Variants in EIF2B3 observed in about 807,000 individuals in gnomAD.
The protein encoded by EIF2B3 is translation initiation factor eIF2B subunit gamma.
In EIF2B3, 20 loss-of-function variants were observed where a neutral mutation model predicts 54.1. That is an observed-to-expected ratio of 0.37 (90% CI 0.26 to 0.54). The LOEUF is 0.54. EIF2B3 is among the 20% of genes least tolerant of loss of function. The pLI is 0.86. For missense variants in EIF2B3, 448 were observed against 547.8 expected, an observed-to-expected ratio of 0.82 and a Z score of 1.82; for synonymous variants, 153 against 188.1, an observed-to-expected ratio of 0.81 and a Z score of 1.52.
chr1:44,851,068 G>A, intron 11 of EIF2B3, 65 bp from the exon 12 acceptor site: 2 of 1,528,326 alleles, frequency 1.3e-6, no homozygotes, highest in South Asian at 1.2e-5. Flanking sequence ...AAACCCAACT[G>A]CTTTTTTTTT....
chr1:44,952,185 G>A (rs1459929537), intron 3 of EIF2B3, among the ~76,000 whole-genome samples: 8 of 138,788 alleles, frequency 5.8e-5, no homozygotes, highest in Non-Finnish European at 9.4e-5. Flanking sequence ...GGATGGTCTC[G>A]ATCTCCTGAC....
chr1:44,948,192 A>G (rs1405705690), intron 3 of EIF2B3, among the ~76,000 whole-genome samples: 1 of 152,234 alleles, frequency 6.6e-6, no homozygotes, highest in African/African-American at 2.4e-5. Context: ...CTCAGTCAGT[A>G]AGTAAGAAAT....
chr1:44,910,916 G>T (rs1643501430), intron 5 of EIF2B3, among the ~76,000 whole-genome samples: 1 of 151,892 alleles, frequency 6.6e-6, no homozygotes, highest in Non-Finnish European at 1.5e-5. Flanking sequence ...AAGTTCTTCA[G>T]TGGTAATCTG....
chr1:44,877,210 A>AAAC (rs1569591326), intron 8 of EIF2B3, among the ~76,000 whole-genome samples: 2 of 148,776 alleles, frequency 1.3e-5, no homozygotes, highest in East Asian at 3.9e-4. Context: ...AAAAAAAAAA[A>AAAC]AAAAAAAAAA....
intron 10 of EIF2B3, among the ~76,000 whole-genome samples, chr1:44,869,934 T>C (rs941548924): frequency 3.9e-5 from 6 of 151,966 alleles, no homozygotes; most frequent in Admixed American, 1.3e-4. Context: ...CACCACAATA[T>C]GGTGGTGTAG....
Position 44,897,230 on chromosome 1 carries a change from A to T in EIF2B3, c.656+125T>A, listed in dbSNP as rs373644803. ...TTTCATTTCTAAAACAAAAATGAGA[A>T]CTAACTGTGCTATTGTGCTAATTTT... is the stretch of plus-strand genomic sequence containing the variant. On this transcript the variant is annotated intron_variant, in intron 6 of 11. Coordinates refer to ENST00000360403, the MANE Select transcript of EIF2B3 (RefSeq NM_020365.5). 19 of 711,252 alleles carry T rather than the reference A, an allele frequency of 2.7e-5. No homozygotes were observed. In the African/African-American group the frequency reaches 2.7e-4, roughly 10 times the overall value. The allele number at this position is 711,252 out of a possible 1,614,324, so 44.1% of individuals were successfully genotyped here. A position where few individuals can be genotyped will look rare whatever the true frequency, so the allele number is the denominator to read the frequency against.
chr1:44,851,295 C>T (rs192017341), intron 11 of EIF2B3, among the ~76,000 whole-genome samples: 209 of 152,194 alleles, frequency 1.4e-3, no homozygotes, highest in Non-Finnish European at 2.5e-3. Context: ...GAACTCCTAA[C>T]CTCAGGTGAT....
intron 3 of EIF2B3, among the ~76,000 whole-genome samples, chr1:44,953,064 T>C (rs1198044043): frequency 6.6e-6 from 1 of 151,968 alleles, no homozygotes; most frequent in Non-Finnish European, 1.5e-5. Context: ...CATCAATTTA[T>C]TCCTCTCCTC....
intron 3 of EIF2B3, among the ~76,000 whole-genome samples, chr1:44,968,982 C>T (rs1423363076): frequency 6.6e-6 from 1 of 151,680 alleles, no homozygotes; most frequent in Non-Finnish European, 1.5e-5. Context: ...GGCTTTGAAA[C>T]ATAACGGTGG....
chr1:44,978,207 G>C, intron 3 of EIF2B3, 108 bp downstream of exon 3: 3 of 1,305,554 alleles, frequency 2.3e-6, no homozygotes, highest in East Asian at 2.4e-5. Context: ...CTCCGGCCTA[G>C]GTGACAGAGC....
At position 44,941,554 on chromosome 1, in the gene EIF2B3, G is replaced by C. The variant is rs759538945; in HGVS notation, c.406C>G (p.Gln136Glu). ...CCGGGAACAGGTTCTATGCTATCTT[G>C]GCCTTTTCTCATCAACATAGCAAGT... ...ASLAMLMRKG[Q>E]DSIEPVPGQK... The change falls in exon 4 of 12, where the codon CAA (glutamine) becomes GAA (glutamate). Residue 136 changes from glutamine to glutamate, a missense_variant. By Grantham distance (29) the Gln-to-Glu change is conservative. Around this residue, in one of 3 missense-constraint regions of EIF2B3, gnomAD observed 350 missense variants for 414.2 expected, o/e 0.85. Coordinates refer to ENST00000360403, the MANE Select transcript of EIF2B3 (RefSeq NM_020365.5). 1 of 1,612,118 alleles carries C rather than the reference G, an allele frequency of 6.2e-7. No homozygotes were observed. Among genetic ancestry groups the C allele is most frequent in the Admixed American group, 1.7e-5 (1 of 59,868 alleles).
chr1:44,853,311 G>A (rs1654336325), intron 11 of EIF2B3, among the ~76,000 whole-genome samples: 1 of 151,886 alleles, frequency 6.6e-6, no homozygotes, highest in African/African-American at 2.4e-5. Flanking sequence ...ACCTGTAGAG[G>A]CACAACAAGC....
rs987342956 is a variant in EIF2B3, at chr1:44,966,713, A to T, written c.294+11602T>A. 6.6e-5 allele frequency among the ~76,000 whole-genome samples: 10 copies of T among 152,344 alleles called. No individual in the cohort carries two copies. The East Asian group carries it at 1.9e-3, about 29-fold the overall frequency. The stretch of plus-strand genomic sequence containing the variant: ...TACAAACAGAAAACAATTACAGTCA[A>T]ATCCTATACAAAGTTATTATCAAAA... On this transcript the variant is annotated intron_variant, in intron 3 of 11. Coordinates refer to ENST00000360403, the MANE Select transcript of EIF2B3 (RefSeq NM_020365.5).
chr1:44,925,542 A>G (rs1569744159), intron 5 of EIF2B3, among the ~76,000 whole-genome samples: 4 of 152,270 alleles, frequency 2.6e-5, no homozygotes, highest in African/African-American at 7.2e-5. Flanking sequence ...TTTGATAGGT[A>G]TAGAATTTCA....
At chr1:44,949,596 C>G (rs1644139527) in intron 3 of EIF2B3, among the ~76,000 whole-genome samples, 1 of 152,114 alleles carries the variant, frequency 6.6e-6, no homozygotes, top group Non-Finnish European at 1.5e-5. Context: ...ACTGACTGTT[C>G]AGAGTTAGGA....
intron 3 of EIF2B3, among the ~76,000 whole-genome samples, chr1:44,977,080 G>A (rs544166397): frequency 6.6e-6 from 1 of 152,286 alleles, no homozygotes; most frequent in Non-Finnish European, 1.5e-5. Context: ...AAAGTCGGTT[G>A]AAAATAACAC....
At chr1:44,959,241 G>C in intron 3 of EIF2B3, 1 of 698,286 alleles carries the variant, frequency 1.4e-6, no homozygotes, top group Non-Finnish European at 2.7e-6. Context: ...CAGGGTGATG[G>C]AGATGGAGAT....
chr1:44,883,399 C>T (rs1319916544), intron 6 of EIF2B3, among the ~76,000 whole-genome samples: 1 of 152,090 alleles, frequency 6.6e-6, no homozygotes, highest in Admixed American at 6.6e-5. Flanking sequence ...TTGCAACTTC[C>T]CCAGTTACTC....
chr1:44,947,772 G>A (rs1644118730), intron 3 of EIF2B3, among the ~76,000 whole-genome samples: 1 of 152,176 alleles, frequency 6.6e-6, no homozygotes, highest in African/African-American at 2.4e-5. Flanking sequence ...TGGAACTCAT[G>A]AATTCAGCTA....
Sources: allele counts gnomAD v4.1 joint callset (sites outside exome capture counted in the v4.1 genomes callset), GRCh38; gene constraint gnomAD v4.1.1; regional missense constraint gnomAD v4.1.1; transcripts MANE v1.5; gene names NCBI Gene and HGNC (gene_info 2026-07-23, HGNC 2026-07-21).